The following RABGAP1 variants were observed in gnomAD, a reference collection of about 807,000 sequenced individuals.
RABGAP1 encodes RAB GTPase activating protein 1.
A neutral mutation model predicts 137.6 loss-of-function variants in RABGAP1; 23 were observed. The observed-to-expected ratio is 0.17, with a 90% CI of 0.12 to 0.24. The LOEUF is 0.24. Ranked by LOEUF, RABGAP1 falls within the 10% of genes least tolerant of loss-of-function variation. The pLI, the probability that RABGAP1 is intolerant of heterozygous loss-of-function variation, is 1.00. For synonymous variants in RABGAP1, 451 were observed against 450.7 expected (o/e 1.00, Z -0.01); for missense variants, 906 against 1,275.8 (o/e 0.71, Z 4.42).
chr9:123,102,014 G>A (rs1255711159), intron 25 of RABGAP1, among the ~76,000 whole-genome samples: 1 of 152,170 alleles, frequency 6.6e-6, no homozygotes, highest in Non-Finnish European at 1.5e-5. Context: ...GATGGGATGA[G>A]AAGACAGTGC....
At position 122,998,638 on chromosome 9, in the gene RABGAP1, A is replaced by G. The variant is rs770855045; in HGVS notation, c.1246A>G (p.Thr416Ala). The change falls in exon 10 of 26, where the codon ACA becomes GCA. Residue 416 changes from threonine (T) to alanine (A), a missense_variant. Transcript: ENST00000373647. ...FMTTAVDLVI[T>A]EVQEPVRFLL... ...GACCACAGCTGTAGATTTGGTAATAACAGAAGTACAGGAGCCTGTTCGATT... is the reference window on the plus strand; with the variant it reads ...GACCACAGCTGTAGATTTGGTAATAGCAGAAGTACAGGAGCCTGTTCGATT... 2 of 1,610,538 alleles carry G rather than the reference A, an allele frequency of 1.2e-6. No homozygotes were observed. Among genetic ancestry groups the G allele is most frequent in the African/African-American group, 1.3e-5 (1 of 74,868 alleles).
chr9:123,057,007 G>A (rs576665894), intron 13 of RABGAP1, among the ~76,000 whole-genome samples: 7 of 152,222 alleles, frequency 4.6e-5, no homozygotes, highest in Non-Finnish European at 8.8e-5. Context: ...TCCCAGATGC[G>A]GTGGTGGCCG....
chr9:122,993,531 C>G (rs1483722022), intron 6 of RABGAP1, among the ~76,000 whole-genome samples: 1 of 151,942 alleles, frequency 6.6e-6, no homozygotes, highest in Non-Finnish European at 1.5e-5. Flanking sequence ...CTCAGCCTCC[C>G]AAATTGCTGG....
At chr9:123,041,208 T>C (rs1385000073) in intron 13 of RABGAP1, among the ~76,000 whole-genome samples, 1 of 152,248 alleles carries the variant, frequency 6.6e-6, no homozygotes, top group African/African-American at 2.4e-5. Flanking sequence ...ATTAACCCCA[T>C]TATACAGATG....
chr9:123,027,998 GA>G (rs998261307), intron 13 of RABGAP1, among the ~76,000 whole-genome samples: 1 of 152,176 alleles, frequency 6.6e-6, no homozygotes, highest in African/African-American at 2.4e-5. Flanking sequence ...TCCTTTGTGT[GA>G]GTTTATGTAA....
At chr9:123,019,913 A>G (rs1161478356) in intron 12 of RABGAP1, among the ~76,000 whole-genome samples, 1 of 151,890 alleles carries the variant, frequency 6.6e-6, no homozygotes, top group Non-Finnish European at 1.5e-5. Flanking sequence ...TGAACTCCTG[A>G]CCTCAGGTGA....
At chr9:122,963,825 A>T (rs182193186) in intron 2 of RABGAP1, among the ~76,000 whole-genome samples, 1 of 152,214 alleles carries the variant, frequency 6.6e-6, no homozygotes, top group East Asian at 1.9e-4. Flanking sequence ...CCAAAAATTG[A>T]TTCTTTGAAA....
At chr9:123,101,788 G>T (rs2035353229) in intron 25 of RABGAP1, 25 bp downstream of exon 25, 1 of 1,547,400 alleles carries the variant, frequency 6.5e-7, no homozygotes, top group South Asian at 1.3e-5. Context: ...GCTCAGACAT[G>T]TGCCTGCGGG....
chr9:123,056,935 T>C (rs2033728366), intron 13 of RABGAP1, among the ~76,000 whole-genome samples: 1 of 152,212 alleles, frequency 6.6e-6, no homozygotes, highest in South Asian at 2.1e-4. Flanking sequence ...TTTCCCCCTT[T>C]TCTATTCCAC....
intron 21 of RABGAP1, among the ~76,000 whole-genome samples, chr9:123,090,728 A>AAG (rs763502426): frequency 9.7e-4 from 148 of 152,354 alleles, no homozygotes; most frequent in East Asian, 3.5e-3. Flanking sequence ...CTCAGACAGG[A>AAG]AGAGATTTTG....
In RABGAP1 at chr9:122,941,053, ACGGCGAG is replaced by A. The variant is rs1288868157; in HGVS notation, c.-84_-78del. 1 of 153,084 alleles carries A rather than the reference ACGGCGAG, an allele frequency of 6.5e-6. No individual in the cohort carries two copies. The highest frequency in any genetic ancestry group is 1.5e-5 in the Non-Finnish European group (1 of 68,934). 9.5% of individuals were successfully genotyped at this position (153,084 alleles called of 1,614,324 possible). A position where few individuals can be genotyped will look rare whatever the true frequency, so the allele number is the denominator to read the frequency against. On this transcript the variant is annotated 5_prime_UTR_variant, in exon 1 of 26. Transcript: ENST00000373647. ...AGGCCCAGGCGGCGGAGCCTCCGGGACGGCGAGCGGCGGGCGGCGGAGGAGGAGACGG... is the reference window on the plus strand; with the variant it reads ...AGGCCCAGGCGGCGGAGCCTCCGGGACGGCGGGCGGCGGAGGAGGAGACGG...
intron 13 of RABGAP1, among the ~76,000 whole-genome samples, chr9:123,054,344 G>A (rs1164186345): frequency 6.6e-6 from 1 of 152,190 alleles, no homozygotes; most frequent in Non-Finnish European, 1.5e-5. Context: ...GCTTTAATAA[G>A]TTCTGGTGTG....
At chr9:123,012,267 A>G (rs1170752579) in intron 11 of RABGAP1, among the ~76,000 whole-genome samples, 1 of 152,250 alleles carries the variant, frequency 6.6e-6, no homozygotes, top group African/African-American at 2.4e-5. Context: ...GTTGTGTAAC[A>G]GTCTTGATTG....
upstream of RABGAP1, chr9:122,939,922 T>A (rs2131555939): frequency 6.6e-6 from 1 of 152,184 alleles, no homozygotes; most frequent in Admixed American, 6.5e-5. Context: ...GACGACTCAC[T>A]CACCAGGAAA....
At position 123,013,388 on chromosome 9, in the gene RABGAP1, A is replaced by G. The variant is rs370284849; in HGVS notation, c.1550-2155A>G. On this transcript the variant is annotated intron_variant, in intron 11 of 25. Coordinates refer to ENST00000373647, the MANE Select transcript of RABGAP1 (RefSeq NM_012197.4). Reference sequence around the variant, plus strand: ...GCTGTGTCACCCAGACAGGAGTACAATGGCACAATTTCGGCTCACTGCACC... The same window carrying G: ...GCTGTGTCACCCAGACAGGAGTACAGTGGCACAATTTCGGCTCACTGCACC... 1.8e-4 allele frequency among the ~76,000 whole-genome samples: 28 copies of G among 152,006 alleles called. No individual in the cohort carries two copies. In the East Asian group the frequency reaches 2.7e-3, roughly 15 times the overall value.
intron 13 of RABGAP1, among the ~76,000 whole-genome samples, chr9:123,045,822 A>G (rs2033180225): frequency 1.3e-5 from 2 of 152,208 alleles, no homozygotes; most frequent in Non-Finnish European, 2.9e-5. Flanking sequence ...GCAAAATGGG[A>G]TAATACTACC....
chr9:122,956,999 T>C lies in RABGAP1; in HGVS notation c.-49-12T>C, dbSNP rs1055401367. On this transcript the variant is annotated splice_polypyrimidine_tract_variant and intron_variant, in intron 1 of 25. Coordinates refer to ENST00000373647, the MANE Select transcript of RABGAP1 (RefSeq NM_012197.4). ...ATTCTATATGAGTATCTTTATGGTT[T>C]TTGTTTTTCAGGCATTAAAAAATAT... 1 of 1,317,550 alleles carries C rather than the reference T, an allele frequency of 7.6e-7. No individual in the cohort carries two copies. The highest frequency in any genetic ancestry group is 1.5e-5 in the African/African-American group (1 of 68,628). 81.6% of individuals were successfully genotyped at this position (1,317,550 alleles called of 1,614,324 possible).
intron 2 of RABGAP1, among the ~76,000 whole-genome samples, chr9:122,969,331 A>G (rs576190815): frequency 6.6e-6 from 1 of 152,384 alleles, no homozygotes; most frequent in South Asian, 2.1e-4. Flanking sequence ...GAACTGCCCA[A>G]CAGGCATTTC....
At chr9:122,977,347 C>G (rs763162928) in intron 2 of RABGAP1, among the ~76,000 whole-genome samples, 17 of 152,110 alleles carry the variant, frequency 1.1e-4, no homozygotes, top group South Asian at 2.1e-4. Context: ...TGAGAGAAAT[C>G]AAGGATGATT....
Sources: allele counts gnomAD v4.1 joint callset (sites outside exome capture counted in the v4.1 genomes callset), GRCh38; gene constraint gnomAD v4.1.1; transcripts MANE v1.5; gene names NCBI Gene and HGNC (gene_info 2026-07-23, HGNC 2026-07-21).